Variants in MAPK6 observed in about 807,000 individuals in gnomAD.
The protein encoded by MAPK6 is mitogen-activated protein kinase 6.
A neutral mutation model predicts 59.3 loss-of-function variants in MAPK6; 19 were observed. That is an observed-to-expected ratio of 0.32 (90% CI 0.22 to 0.47). The LOEUF (loss-of-function observed/expected upper bound fraction) is 0.47. MAPK6 is among the 20% of genes least tolerant of loss of function. The pLI, the probability that MAPK6 is intolerant of heterozygous loss-of-function variation, is 1.00. For missense variants in MAPK6, 724 were observed against 847.9 expected (o/e 0.85, Z 1.81); for synonymous variants, 316 against 290.3 (o/e 1.09, Z -0.90).
intron 4 of MAPK6, among the ~76,000 whole-genome samples, chr15:52,059,863 C>G (rs1336570638): frequency 6.6e-6 from 1 of 152,288 alleles, no homozygotes; most frequent in South Asian, 2.1e-4. Context: ...TTCTTCTTAA[C>G]AGTGGAGTTT....
chr15:52,042,456 G>A lies in MAPK6; in HGVS notation c.-631-3374G>A, dbSNP rs557442165. 3.9e-5 allele frequency among the ~76,000 whole-genome samples: 6 copies of A among 152,194 alleles called. No individual in the cohort carries two copies. In the East Asian group the frequency reaches 7.7e-4, roughly 20 times the overall value. The stretch of plus-strand genomic sequence containing the variant: ...TTTTTACCCACTCTTACCTCGTTAA[G>A]TGCTGACCAGTCACTGAGAATTCTG... On this transcript the variant is annotated intron_variant, in intron 1 of 5. Transcript: ENST00000261845.
intron 2 of MAPK6, among the ~76,000 whole-genome samples, chr15:51,991,189 ATG>A (rs1045392834): frequency 1.1e-4 from 16 of 151,762 alleles, no homozygotes; most frequent in African/African-American, 3.9e-4. Flanking sequence ...ACATATATAT[ATG>A]TATATGTATA....
chr15:51,993,044 T>C (rs1490844482), intron 2 of MAPK6, among the ~76,000 whole-genome samples: 1 of 152,026 alleles, frequency 6.6e-6, no homozygotes, highest in Non-Finnish European at 1.5e-5. Flanking sequence ...TCCCTGGAGG[T>C]CTATGGTTGG....
At chr15:51,992,936 C>T (rs2057214337) in intron 2 of MAPK6, among the ~76,000 whole-genome samples, 1 of 152,104 alleles carries the variant, frequency 6.6e-6, no homozygotes, top group Non-Finnish European at 1.5e-5. Context: ...CTCTCCAAAT[C>T]CTGTCCCTTT....
intron 1 of MAPK6, among the ~76,000 whole-genome samples, chr15:52,044,242 G>A (rs953949941): frequency 1.3e-5 from 2 of 151,962 alleles, no homozygotes; most frequent in Admixed American, 6.6e-5. Context: ...AGGAGAAGCC[G>A]TTTCTGTTAC....
At chr15:52,053,322 C>T (rs116071969) in intron 3 of MAPK6, among the ~76,000 whole-genome samples, 2,533 of 152,114 alleles carry the variant, frequency 0.017, 30 homozygotes, top group African/African-American at 0.034. Flanking sequence ...GTGATCTGCC[C>T]GCCTTGGCCT....
At chr15:52,040,549 T>G (rs536825171) in intron 1 of MAPK6, among the ~76,000 whole-genome samples, 1 of 152,378 alleles carries the variant, frequency 6.6e-6, no homozygotes, top group East Asian at 1.9e-4. Flanking sequence ...TAGACTTCCT[T>G]TTTGACATAA....
At chr15:51,971,885 C>G (rs138972739) in exon 1 of MAPK6, 2 of 864,312 alleles carry the variant, frequency 2.3e-6, no homozygotes, top group Non-Finnish European at 3.8e-6. Context: ...TTCGCTCGCC[C>G]AGTGAACCTG....
At chr15:52,001,784 T>A (rs573297179) in intron 2 of MAPK6, among the ~76,000 whole-genome samples, 1 of 152,124 alleles carries the variant, frequency 6.6e-6, no homozygotes, top group Non-Finnish European at 1.5e-5. Flanking sequence ...GGTGGGATTA[T>A]AGGCGTGATC....
At chr15:51,988,340 G>A (rs1241720533) in intron 2 of MAPK6, among the ~76,000 whole-genome samples, 1 of 152,106 alleles carries the variant, frequency 6.6e-6, no homozygotes, top group Non-Finnish European at 1.5e-5. Flanking sequence ...AGGAGAAAAA[G>A]AAAAGATAGA....
chr15:52,054,222 G>T (rs1596005263), intron 3 of MAPK6, among the ~76,000 whole-genome samples: 1 of 151,850 alleles, frequency 6.6e-6, no homozygotes, highest in Non-Finnish European at 1.5e-5. Context: ...ACAAAAATTA[G>T]CTGGGCATGG....
chr15:51,996,102 A>G (rs2057223451), intron 2 of MAPK6, among the ~76,000 whole-genome samples: 1 of 152,192 alleles, frequency 6.6e-6, no homozygotes, highest in Non-Finnish European at 1.5e-5. Flanking sequence ...CTAAGGACAG[A>G]GTTGCTGTAT....
At chr15:51,974,658 C>CAAAA (rs765698138) in intron 1 of MAPK6, among the ~76,000 whole-genome samples, 3 of 32,958 alleles carry the variant, frequency 9.1e-5, no homozygotes, top group Non-Finnish European at 1.7e-4. Context: ...GACTCCGTCT[C>CAAAA]AAAAAAAAAA....
At position 52,064,421 on chromosome 15, in the gene MAPK6, C is replaced by T. The variant is rs199988498; in HGVS notation, c.1587C>T (p.Ser529=). The change falls in exon 6 of 6, where the codon TCC becomes TCT. Residue 529 remains serine, a synonymous_variant. Coordinates refer to ENST00000261845, the MANE Select transcript of MAPK6 (RefSeq NM_002748.4). ...REKNQGFDFD[S]FIAGTIQLSS... ...AGAATCAGGGATTTGATTTTGATTC[C>T]TTTATTGCAGGAACTATTCAGCTTA... 1.1e-4 allele frequency: 177 copies of T among 1,611,658 alleles called. 2 individuals carry two copies. Among genetic ancestry groups the T allele is most frequent in the South Asian group, 4.1e-4 (37 of 90,960 alleles).
Position 52,065,086 on chromosome 15 carries a change from T to TGAATCAGATGGTGTCA in MAPK6, c.*87_*102dup. 1 of 1,262,640 alleles carries TGAATCAGATGGTGTCA rather than the reference T, an allele frequency of 7.9e-7. No homozygotes were observed. Among genetic ancestry groups the TGAATCAGATGGTGTCA allele is most frequent in the Non-Finnish European group, 1.1e-6 (1 of 928,160 alleles). 78.2% of individuals were successfully genotyped at this position (1,262,640 alleles called of 1,614,324 possible). ...ACTAGTGTTTAAGTCATTTTTTACT[T>TGAATCAGATGGTGTCA]GAATCAGATGGTGTCATTTAGTAAG... On this transcript the variant is annotated 3_prime_UTR_variant, in exon 6 of 6. Transcript: ENST00000261845.
At chr15:52,008,033 G>A (rs901594055) in intron 3 of MAPK6, among the ~76,000 whole-genome samples, 5 of 152,014 alleles carry the variant, frequency 3.3e-5, no homozygotes, top group Non-Finnish European at 4.4e-5. Context: ...TTTCAGTAGA[G>A]ACGGGGTTTC....
At chr15:51,988,274 GA>G (rs577114316) in intron 2 of MAPK6, among the ~76,000 whole-genome samples, 316 of 151,594 alleles carry the variant, frequency 2.1e-3, no homozygotes, top group South Asian at 4.8e-3. Flanking sequence ...AACCTATTAG[GA>G]AAAAAAGAAA....
At chr15:52,001,191 G>A (rs552867171) in intron 2 of MAPK6, among the ~76,000 whole-genome samples, 1 of 152,240 alleles carries the variant, frequency 6.6e-6, no homozygotes, top group East Asian at 1.9e-4. Flanking sequence ...TGAAGACATA[G>A]CATTCCTCCT....
intron 2 of MAPK6, among the ~76,000 whole-genome samples, chr15:52,049,545 C>T (rs2031709903): frequency 6.6e-6 from 1 of 151,020 alleles, no homozygotes; most frequent in African/African-American, 2.4e-5. Context: ...CCAGGCTGGT[C>T]TCAAATTCCT....
Sources: gnomAD v4.1 joint callset for allele counts (sites outside exome capture counted in the v4.1 genomes callset) on GRCh38, gnomAD v4.1.1 for gene constraint, MANE v1.5 for transcripts, NCBI Gene and HGNC (gene_info 2026-07-23, HGNC 2026-07-21) for gene names.